Variants in LRRC4C observed in about 807,000 individuals in gnomAD.
LRRC4C encodes the protein leucine-rich repeat-containing protein 4C.
LRRC4C carries 5 observed loss-of-function variants against 33.6 expected under a neutral mutation model. The ratio of observed to expected loss-of-function variants is 0.15; its 90% CI spans 0.08 to 0.31. The LOEUF is 0.31. LRRC4C is among the 10% of genes least tolerant of loss of function. The pLI is 1.00. For missense variants in LRRC4C, 560 were observed against 796.7 expected, an observed-to-expected ratio of 0.70 and a Z score of 3.58; for synonymous variants, 329 against 302.0, an observed-to-expected ratio of 1.09 and a Z score of -0.93.
chr11:40,546,175 T>C (rs564208982), intron 3 of LRRC4C, among the ~76,000 whole-genome samples: 43 of 151,580 alleles, frequency 2.8e-4, no homozygotes, highest in African/African-American at 9.2e-4. Flanking sequence ...TTATTTTCTA[T>C]GCAATATTCC....
intron 3 of LRRC4C, among the ~76,000 whole-genome samples, chr11:40,486,808 A>G (rs747517612): frequency 3.3e-5 from 5 of 152,044 alleles, no homozygotes; most frequent in African/African-American, 4.8e-5. Context: ...TTTTCATAAT[A>G]AAAATTTTAT....
chr11:40,893,173 T>G (rs1348719841), intron 2 of LRRC4C, among the ~76,000 whole-genome samples: 1 of 151,948 alleles, frequency 6.6e-6, no homozygotes, highest in Non-Finnish European at 1.5e-5. Flanking sequence ...AACTAAAACT[T>G]TAAAAACTCA....
chr11:40,766,482 A>G (rs7483516), intron 2 of LRRC4C, among the ~76,000 whole-genome samples: 121,115 of 151,336 alleles, frequency 0.8, 48,684 homozygotes, highest in African/African-American at 0.86. Context: ...ATTGTGGTGT[A>G]TAACCTACTT....
At chr11:40,850,443 T>C (rs1953424353) in intron 2 of LRRC4C, among the ~76,000 whole-genome samples, 1 of 152,178 alleles carries the variant, frequency 6.6e-6, no homozygotes, top group African/African-American at 2.4e-5. Flanking sequence ...CAGATCCTGT[T>C]TACCTGGGTA....
intron 1 of LRRC4C, among the ~76,000 whole-genome samples, chr11:41,384,105 C>T (rs780169445): frequency 6.6e-6 from 1 of 151,818 alleles, no homozygotes; most frequent in Non-Finnish European, 1.5e-5. Flanking sequence ...AAATGTAAAG[C>T]TGTAATATGG....
intron 2 of LRRC4C, among the ~76,000 whole-genome samples, chr11:40,718,088 C>T (rs890771670): frequency 6.6e-6 from 1 of 152,134 alleles, no homozygotes; most frequent in African/African-American, 2.4e-5. Flanking sequence ...TGCCTTTATC[C>T]TTTAGATTCC....
chr11:40,367,708 G>A (rs893182534), intron 3 of LRRC4C, among the ~76,000 whole-genome samples: 9 of 152,038 alleles, frequency 5.9e-5, no homozygotes, highest in Non-Finnish European at 4.4e-5. Flanking sequence ...TTTGTGAAAT[G>A]TCATATTGTC....
intron 1 of LRRC4C, among the ~76,000 whole-genome samples, chr11:41,442,266 G>A (rs1955644425): frequency 6.6e-6 from 1 of 151,724 alleles, no homozygotes; most frequent in Admixed American, 6.6e-5. Context: ...ATAATACAAA[G>A]TCAAACTGCT....
intron 1 of LRRC4C, among the ~76,000 whole-genome samples, chr11:41,296,200 C>T (rs1394093994): frequency 6.6e-6 from 1 of 152,214 alleles, no homozygotes; most frequent in African/African-American, 2.4e-5. Context: ...CATTGCAGAA[C>T]AGTGTACTTC....
chr11:40,679,027 A>G (rs1420295835), intron 2 of LRRC4C, among the ~76,000 whole-genome samples: 2 of 152,178 alleles, frequency 1.3e-5, no homozygotes, highest in Non-Finnish European at 2.9e-5. Context: ...AAATGCTGAT[A>G]GTGATATGAA....
At chr11:40,316,208 C>T (rs1170633339) in intron 4 of LRRC4C, among the ~76,000 whole-genome samples, 1 of 151,926 alleles carries the variant, frequency 6.6e-6, no homozygotes, top group Non-Finnish European at 1.5e-5. Context: ...AATTATGTAA[C>T]TCATTATAGA....
chr11:41,175,351 G>T (rs909915697), intron 1 of LRRC4C, among the ~76,000 whole-genome samples: 2 of 152,068 alleles, frequency 1.3e-5, no homozygotes, highest in African/African-American at 4.8e-5. Context: ...TTCTGCAGGA[G>T]GAAACAATTA....
intron 3 of LRRC4C, among the ~76,000 whole-genome samples, chr11:40,455,162 C>A (rs1952073592): frequency 6.6e-6 from 1 of 152,146 alleles, no homozygotes. Context: ...CAAAATATAA[C>A]TTGCCTGGGC....
intron 3 of LRRC4C, among the ~76,000 whole-genome samples, chr11:40,563,086 ATC>A (rs757916659): frequency 5.3e-5 from 8 of 152,032 alleles, no homozygotes; most frequent in Non-Finnish European, 1.0e-4. Context: ...TTCCATTTTT[ATC>A]TCAGCTTCTT....
At chr11:40,993,797 G>A (rs937704693) in intron 1 of LRRC4C, among the ~76,000 whole-genome samples, 1 of 152,128 alleles carries the variant, frequency 6.6e-6, no homozygotes, top group African/African-American at 2.4e-5. Context: ...CCTTGACAAG[G>A]AAGTGATACT....
At chr11:41,419,434 G>A (rs1954799012) in intron 1 of LRRC4C, among the ~76,000 whole-genome samples, 1 of 151,874 alleles carries the variant, frequency 6.6e-6, no homozygotes, top group Non-Finnish European at 1.5e-5. Flanking sequence ...AGCAATGGAA[G>A]CTGGAAGTAG....
At chr11:41,148,071 T>C (rs1411577985) in intron 1 of LRRC4C, among the ~76,000 whole-genome samples, 1 of 152,116 alleles carries the variant, frequency 6.6e-6, no homozygotes, top group Non-Finnish European at 1.5e-5. Context: ...CAGGCTGGAA[T>C]GCAGTGACGC....
At chr11:40,785,556 C>T (rs1048831402) in intron 2 of LRRC4C, among the ~76,000 whole-genome samples, 2 of 152,060 alleles carry the variant, frequency 1.3e-5, no homozygotes, top group African/African-American at 2.4e-5. Flanking sequence ...TGTCACTGTA[C>T]AATTTAGAGA....
intron 1 of LRRC4C, among the ~76,000 whole-genome samples, chr11:41,304,074 A>G (rs377728092): frequency 0.52 from 20,838 of 40,278 alleles, 6,690 homozygotes; most frequent in South Asian, 0.58. Flanking sequence ...CCAGCCAGCC[A>G]CCCCGTCCGG....
Sources: allele counts gnomAD v4.1 joint callset (sites outside exome capture counted in the v4.1 genomes callset), GRCh38; gene constraint gnomAD v4.1.1; transcripts MANE v1.5; gene names NCBI Gene and HGNC (gene_info 2026-07-23, HGNC 2026-07-21).